The following RAB29 variants were observed in gnomAD, a reference collection of about 807,000 sequenced individuals.
RAB29 encodes RAB29, member RAS oncogene family, also known as ras-related protein Rab-29.
RAB29 carries 13 observed loss-of-function variants against 25.5 expected under a neutral mutation model. That is an observed-to-expected ratio of 0.51 (90% confidence interval 0.33 to 0.81). The LOEUF (loss-of-function observed/expected upper bound fraction) is 0.81. Ranked by LOEUF, RAB29 falls within the 30% of genes least tolerant of loss-of-function variation. RAB29 has a pLI of 0.02. For synonymous variants in RAB29, 88 were observed against 95.0 expected (o/e 0.93, Z 0.43); for missense variants, 201 against 254.9 (o/e 0.79, Z 1.44).
At position 205,770,128 on chromosome 1, in the gene RAB29, C is replaced by A. The variant is rs1282656155; in HGVS notation, c.*214G>T. ...CTTACACCGAAGGCACTAACTGGCA[C>A]TAATGTGAGCCAGCAACATGTGAAA... On this transcript the variant is annotated 3_prime_UTR_variant, in exon 6 of 6. Transcript: ENST00000367139. 3.4e-6 allele frequency: 2 copies of A among 590,728 alleles called. No individual in the cohort carries two copies. Among genetic ancestry groups the A allele is most frequent in the African/African-American group, 3.7e-5 (2 of 53,678 alleles). The allele number at this position is 590,728 out of a possible 1,614,324, so 36.6% of individuals were successfully genotyped here.
intron 2 of RAB29, 57 bp from the exon 3 acceptor site, chr1:205,772,624 G>C (rs1011163254): frequency 1.3e-6 from 2 of 1,492,232 alleles, no homozygotes; most frequent in African/African-American, 2.8e-5. Flanking sequence ...AATTAATAGG[G>C]ATAAACTCAA....
chr1:205,772,726 G>A (rs943475756), intron 2 of RAB29, among the ~76,000 whole-genome samples, 159 bp from the exon 3 acceptor site: 3 of 152,082 alleles, frequency 2.0e-5, no homozygotes, highest in South Asian at 2.1e-4. Context: ...GTCCACATGC[G>A]TGTATTTAGT....
chr1:205,772,725 C>T (rs749692962), intron 2 of RAB29, among the ~76,000 whole-genome samples, 158 bp from the exon 3 acceptor site: 9 of 152,120 alleles, frequency 5.9e-5, no homozygotes, highest in Non-Finnish European at 1.0e-4. Flanking sequence ...AGTCCACATG[C>T]GTGTATTTAG....
At chr1:205,774,793 C>CCGG in intron 2 of RAB29, 40 bp downstream of exon 2, 7 of 1,245,290 alleles carry the variant, frequency 5.6e-6, no homozygotes, top group Non-Finnish European at 8.0e-6. Flanking sequence ...GTCGGGGCCT[C>CCGG]CTCCTCCCCC....
intron 2 of RAB29, among the ~76,000 whole-genome samples, chr1:205,772,907 A>G (rs1380041886): frequency 6.7e-6 from 1 of 148,782 alleles, no homozygotes; most frequent in African/African-American, 2.5e-5. Context: ...GGGTTTTCTC[A>G]GGGAAGGGGT....
chr1:205,775,282 C>CCCCGAGCGGCTCCAAGTCAGTG lies in RAB29; in HGVS notation c.-162_-141dup, dbSNP rs1655268855. On this transcript the variant is annotated 5_prime_UTR_variant, in exon 1 of 6. Coordinates refer to ENST00000367139, the MANE Select transcript of RAB29 (RefSeq NM_003929.3). ...GCGGAACCTCACCCACCGGGACTTCCCCCGAGCGGCTCCAAGTCAGTGACT... is the reference window on the plus strand; with the variant it reads ...GCGGAACCTCACCCACCGGGACTTCCCCCGAGCGGCTCCAAGTCAGTGCCCGAGCGGCTCCAAGTCAGTGACT... 1.0e-5 allele frequency: 3 copies of CCCCGAGCGGCTCCAAGTCAGTG among 297,912 alleles called. No homozygotes were observed. In the East Asian group the frequency reaches 3.2e-4, roughly 32 times the overall value. The allele number at this position is 297,912 out of a possible 1,614,324, so 18.5% of individuals were successfully genotyped here. A position where few individuals can be genotyped will look rare whatever the true frequency, so the allele number is the denominator to read the frequency against.
chr1:205,768,052 A>C lies in RAB29; in HGVS notation c.*2290T>G, dbSNP rs12064576. Reference sequence around the variant, plus strand: ...TCAAACCAATGAATGAAAATCAATTATCTCTTCATATCAATGAAATTCACT... The same window carrying C: ...TCAAACCAATGAATGAAAATCAATTCTCTCTTCATATCAATGAAATTCACT... On this transcript the variant is annotated 3_prime_UTR_variant, in exon 6 of 6. Transcript: ENST00000367139. The C allele has an allele frequency of 6.6e-6, 1 of 152,240 alleles. No homozygotes were observed. The highest frequency in any genetic ancestry group is 1.5e-5 in the Non-Finnish European group (1 of 68,042). 9.4% of individuals were successfully genotyped at this position (152,240 alleles called of 1,614,324 possible).
At position 205,774,993 on chromosome 1, in the gene RAB29, G is replaced by A. The variant is rs1259505784; in HGVS notation, c.-37C>T. ...TGTGCGTTTTAGGGAGGCGGGAAGT[G>A]TGGTCGGGGATCGGGGGTCGCTCGT... On this transcript the variant is annotated 5_prime_UTR_variant, in exon 2 of 6. Coordinates refer to ENST00000367139, the MANE Select transcript of RAB29 (RefSeq NM_003929.3). 1 of 1,611,470 alleles carries A rather than the reference G, an allele frequency of 6.2e-7. No individual in the cohort carries two copies. Among genetic ancestry groups the A allele is most frequent in the African/African-American group, 1.3e-5 (1 of 75,056 alleles).
chr1:205,775,107 A>T, intron 1 of RAB29, 21 bp from the exon 2 acceptor site: 1 of 1,075,366 alleles, frequency 9.3e-7, no homozygotes, highest in Non-Finnish European at 1.3e-6. Context: ...GAGAAAGCAA[A>T]AAAGGAAACT....
chr1:205,773,381 T>G (rs1040429088), intron 2 of RAB29, among the ~76,000 whole-genome samples: 4 of 152,206 alleles, frequency 2.6e-5, no homozygotes, highest in Non-Finnish European at 5.9e-5. Context: ...TTGTTAAAAA[T>G]TAACTATTAA....
At chr1:205,772,470 G>A (rs781514370) in intron 3 of RAB29, 26 bp downstream of exon 3, 1 of 1,604,636 alleles carries the variant, frequency 6.2e-7, no homozygotes, top group African/African-American at 1.3e-5. Context: ...TTCTTCCCTT[G>A]TTCCTATCTA....
rs1227525525 is a variant in RAB29 at position 205,770,107 on chromosome 1, C to A, written c.*235G>T. On this transcript the variant is annotated 3_prime_UTR_variant, in exon 6 of 6. Coordinates refer to ENST00000367139, the MANE Select transcript of RAB29 (RefSeq NM_003929.3). ...ATTGAGGGCTGATGAGAAGATCTTACACCGAAGGCACTAACTGGCACTAAT... is the reference window on the plus strand; with the variant it reads ...ATTGAGGGCTGATGAGAAGATCTTAAACCGAAGGCACTAACTGGCACTAAT... The A allele has an allele frequency of 1.8e-6, 1 of 560,088 alleles. No homozygotes were observed. The highest frequency in any genetic ancestry group is 3.2e-6 in the Non-Finnish European group (1 of 312,876). 34.7% of individuals were successfully genotyped at this position (560,088 alleles called of 1,614,324 possible).
intron 2 of RAB29, 37 bp downstream of exon 2, chr1:205,774,796 C>CCGA: frequency 5.4e-6 from 5 of 921,984 alleles, no homozygotes; most frequent in Non-Finnish European, 8.6e-6. Context: ...GGGGCCTCCT[C>CCGA]CTCCCCCTCC....
chr1:205,770,550 C>T (rs1654934478), intron 5 of RAB29, 97 bp from the exon 6 acceptor site: 1 of 1,415,152 alleles, frequency 7.1e-7, no homozygotes, highest in East Asian at 2.4e-5. Context: ...TTTGGTAAAG[C>T]CAGAAGGTTT....
chr1:205,769,932 A>G lies in RAB29; in HGVS notation c.*410T>C, dbSNP rs879028099. 8 of 206,652 alleles carry G rather than the reference A, an allele frequency of 3.9e-5. No homozygotes were observed. The South Asian group carries it at 6.3e-4, about 16-fold the overall frequency. 12.8% of individuals were successfully genotyped at this position (206,652 alleles called of 1,614,324 possible). A position where few individuals can be genotyped will look rare whatever the true frequency, so the allele number is the denominator to read the frequency against. ...ACAACGGCCTACAAGAAATTTGGGA[A>G]ATGACATTTGATCTCATTTTCCTCT... On this transcript the variant is annotated 3_prime_UTR_variant, in exon 6 of 6. Transcript: ENST00000367139.
chr1:205,770,253 T>G lies in RAB29; in HGVS notation c.*89A>C. 2 of 1,047,320 alleles carry G rather than the reference T, an allele frequency of 1.9e-6. No homozygotes were observed. The highest frequency in any genetic ancestry group is 1.5e-6 in the Non-Finnish European group (1 of 677,562). The allele number at this position is 1,047,320 out of a possible 1,614,324, so 64.9% of individuals were successfully genotyped here. On this transcript the variant is annotated 3_prime_UTR_variant, in exon 6 of 6. Coordinates refer to ENST00000367139, the MANE Select transcript of RAB29 (RefSeq NM_003929.3). Reference sequence around the variant, plus strand: ...GACAGTAGTCAGGAGACAATTCAAATGTACTTAATAAAATTGTCAGGTGGG... The same window carrying G: ...GACAGTAGTCAGGAGACAATTCAAAGGTACTTAATAAAATTGTCAGGTGGG...
rs1558067105 is a variant in RAB29, at chr1:205,770,368, T to G, written c.586A>C (p.Lys196Gln). ...TQGDYINLQT[K>Q]SSSWSCC ...TAGCAGCAGGACCAGCTGGAGGACT[T>G]GGTTTGTAGATTGATGTAGTCCCCT... The change falls in exon 6 of 6, where the codon AAG becomes CAG. Residue 196 changes from lysine (K) to glutamine (Q), a missense_variant. Transcript: ENST00000367139. 1 of 1,613,896 alleles carries G rather than the reference T, an allele frequency of 6.2e-7. No individual in the cohort carries two copies. The highest frequency in any genetic ancestry group is 1.3e-5 in the African/African-American group (1 of 74,938).
At chr1:205,772,230 TC>T (rs1655066302) in intron 3 of RAB29, among the ~76,000 whole-genome samples, 1 of 152,062 alleles carries the variant, frequency 6.6e-6, no homozygotes, top group Non-Finnish European at 1.5e-5. Context: ...AAAAGCACCC[TC>T]CCCTGCTGTG....
At chr1:205,774,798 T>TCCCCCCCCC in intron 2 of RAB29, 35 bp downstream of exon 2, 1 of 658,516 alleles carries the variant, frequency 1.5e-6, no homozygotes, top group Non-Finnish European at 2.6e-6. Flanking sequence ...GGCCTCCTCC[T>TCCCCCCCCC]CCCCCTCCCC....
Sources: allele counts gnomAD v4.1 joint callset (sites outside exome capture counted in the v4.1 genomes callset), GRCh38; gene constraint gnomAD v4.1.1; transcripts MANE v1.5; gene names NCBI Gene and HGNC (gene_info 2026-07-23, HGNC 2026-07-21).